The following KAZN variants were observed in gnomAD, a reference collection of about 807,000 sequenced individuals.
The protein encoded by KAZN is kazrin, periplakin interacting protein, also known as kazrin.
KAZN carries 40 observed loss-of-function variants against 87.4 expected under a neutral mutation model. The ratio of observed to expected loss-of-function variants is 0.46; its 90% CI spans 0.36 to 0.60. The LOEUF is 0.60. Ranked by LOEUF, KAZN falls within the 20% of genes least tolerant of loss-of-function variation. The pLI is 0.00. For missense variants in KAZN, 898 were observed against 1,073.9 expected, an observed-to-expected ratio of 0.84 and a Z score of 2.29; for synonymous variants, 466 against 458.3, an observed-to-expected ratio of 1.02 and a Z score of -0.22.
At chr1:14,160,903 A>C (rs998653871) in intron 1 of KAZN, among the ~76,000 whole-genome samples, 2 of 152,258 alleles carry the variant, frequency 1.3e-5, no homozygotes, top group African/African-American at 4.8e-5. Context: ...CAGTTCTATC[A>C]GTGGAAATAA....
intron 1 of KAZN, among the ~76,000 whole-genome samples, chr1:13,894,181 G>GC (rs1048048748): frequency 7.9e-5 from 12 of 152,130 alleles, no homozygotes; most frequent in Admixed American, 3.9e-4. Context: ...TTTAATCTAT[G>GC]CCCCCCCAGC....
At chr1:14,296,629 CTT>C (rs775666706) in intron 2 of KAZN, among the ~76,000 whole-genome samples, 8 of 82,756 alleles carry the variant, frequency 9.7e-5, no homozygotes, top group South Asian at 5.0e-4. Context: ...TTTTGTATTT[CTT>C]TTTTTTTTTT....
intron 1 of KAZN, among the ~76,000 whole-genome samples, chr1:14,797,194 G>T (rs1055485935): frequency 7.2e-5 from 11 of 152,238 alleles, no homozygotes; most frequent in African/African-American, 2.6e-4. Context: ...CCAAGTAGCT[G>T]GGCTTACAGG....
intron 2 of KAZN, among the ~76,000 whole-genome samples, chr1:14,303,617 A>G (rs544753019): frequency 6.6e-6 from 1 of 152,224 alleles, no homozygotes; most frequent in African/African-American, 2.4e-5. Flanking sequence ...TGACCCTCAT[A>G]TGTCCTCCAG....
At chr1:14,307,740 T>G (rs1655024159) in intron 2 of KAZN, among the ~76,000 whole-genome samples, 1 of 152,122 alleles carries the variant, frequency 6.6e-6, no homozygotes, top group Admixed American at 6.6e-5. Flanking sequence ...TAACGCGTAG[T>G]GGGTCGCAAC....
At chr1:14,475,491 C>CT (rs1668668565) in intron 2 of KAZN, among the ~76,000 whole-genome samples, 2 of 152,204 alleles carry the variant, frequency 1.3e-5, no homozygotes, top group Non-Finnish European at 2.9e-5. Context: ...TTCAAGTTGT[C>CT]TTTTCGTCAG....
At position 15,104,049 on chromosome 1, in the gene KAZN, C is replaced by T. The variant is rs879158567; in HGVS notation, c.1908C>T (p.Ser636=). ...LKEYADNLTN[S]GVHGAVLVLE... ...AGTACGCAGACAACCTGACCAACAG[C>T]GGCGTCCATGGTGCTGTGCTGGTGC... is the stretch of plus-strand genomic sequence containing the variant. Residue 636 remains serine, a synonymous_variant, in exon 13 of 15, where the codon AGC becomes AGT. Coordinates refer to ENST00000376030, the MANE Select transcript of KAZN (RefSeq NM_201628.3). 5.0e-6 allele frequency: 8 copies of T among 1,613,572 alleles called. No homozygotes were observed. Among genetic ancestry groups the T allele is most frequent in the Middle Eastern group, 1.6e-4 (1 of 6,084 alleles).
At position 14,796,689 on chromosome 1, in the gene KAZN, T is replaced by C. The variant is rs1645839257; in HGVS notation, c.227-163995T>C. 1.3e-5 allele frequency among the ~76,000 whole-genome samples: 2 copies of C among 152,250 alleles called. 1 individual carries two copies. The highest frequency in any genetic ancestry group is 4.1e-4 in the South Asian group (2 of 4,836). ...GTAAGCATGGCACCAGGGAAGACTCTCCATTGGGTGTTTCCTCAAAGTACT... is the reference window on the plus strand; with the variant it reads ...GTAAGCATGGCACCAGGGAAGACTCCCCATTGGGTGTTTCCTCAAAGTACT... On this transcript the variant is annotated intron_variant, in intron 1 of 14. Transcript: ENST00000376030.
At chr1:14,536,166 C>G (rs1557784032) in intron 2 of KAZN, among the ~76,000 whole-genome samples, 1 of 152,172 alleles carries the variant, frequency 6.6e-6, no homozygotes, top group Non-Finnish European at 1.5e-5. Flanking sequence ...TAGTAATGAC[C>G]AAGGGTTCAA....
intron 2 of KAZN, among the ~76,000 whole-genome samples, chr1:14,271,261 A>G (rs1268269995): frequency 1.3e-5 from 2 of 152,142 alleles, no homozygotes; most frequent in Non-Finnish European, 2.9e-5. Flanking sequence ...ACTATCTCCA[A>G]ATATAGTTGT....
At chr1:14,881,248 A>C (rs542542318) in intron 1 of KAZN, among the ~76,000 whole-genome samples, 4 of 152,300 alleles carry the variant, frequency 2.6e-5, no homozygotes, top group African/African-American at 4.8e-5. Context: ...TTCCAGTTGG[A>C]CCAGAAAATC....
At chr1:15,041,320 G>A (rs1419133436) in intron 3 of KAZN, among the ~76,000 whole-genome samples, 2 of 109,206 alleles carry the variant, frequency 1.8e-5, no homozygotes, top group African/African-American at 8.3e-5. Context: ...TCTACTCTCC[G>A]CATTTTTTTT....
intron 1 of KAZN, among the ~76,000 whole-genome samples, chr1:14,109,895 T>A (rs1380276033): frequency 3.8e-5 from 4 of 104,156 alleles, no homozygotes; most frequent in Non-Finnish European, 6.0e-5. Context: ...AAATCTGTTC[T>A]AAAAGGATGG....
At chr1:15,029,813 A>G (rs1199385583) in intron 2 of KAZN, among the ~76,000 whole-genome samples, 3 of 152,336 alleles carry the variant, frequency 2.0e-5, no homozygotes, top group Middle Eastern at 3.4e-3. Flanking sequence ...CCTGCCAACC[A>G]GAGGGCAGCG....
intron 1 of KAZN, among the ~76,000 whole-genome samples, chr1:13,910,944 C>T (rs1639631931): frequency 6.6e-6 from 1 of 151,896 alleles, no homozygotes; most frequent in Admixed American, 6.5e-5. Context: ...TCTGGGAAGT[C>T]CCAGAAAGCT....
intron 2 of KAZN, among the ~76,000 whole-genome samples, chr1:14,575,921 C>A (rs995147195): frequency 2.0e-5 from 3 of 152,108 alleles, no homozygotes; most frequent in Non-Finnish European, 4.4e-5. Context: ...GGGCCTGGCA[C>A]GTAAGAATAA....
At chr1:14,734,218 T>C (rs1643814303) in intron 1 of KAZN, among the ~76,000 whole-genome samples, 1 of 152,096 alleles carries the variant, frequency 6.6e-6, no homozygotes, top group Non-Finnish European at 1.5e-5. Flanking sequence ...ACAGTGCGCC[T>C]GAAGCACTCC....
At chr1:14,942,928 G>T (rs1317515094) in intron 1 of KAZN, among the ~76,000 whole-genome samples, 1 of 151,580 alleles carries the variant, frequency 6.6e-6, no homozygotes, top group Non-Finnish European at 1.5e-5. Flanking sequence ...GTGAAAATTC[G>T]GCATCGCCCT....
At chr1:14,095,148 T>G (rs1012205969) in intron 1 of KAZN, among the ~76,000 whole-genome samples, 5 of 152,146 alleles carry the variant, frequency 3.3e-5, no homozygotes, top group African/African-American at 1.2e-4. Context: ...CACCATTCCC[T>G]TCCGTGAACA....
Sources: gnomAD v4.1 joint callset for allele counts (sites outside exome capture counted in the v4.1 genomes callset) on GRCh38, gnomAD v4.1.1 for gene constraint, MANE v1.5 for transcripts, NCBI Gene and HGNC (gene_info 2026-07-23, HGNC 2026-07-21) for gene names.